The following CACNA1S variants were observed in gnomAD, a reference collection of about 807,000 sequenced individuals.
The protein encoded by CACNA1S is calcium voltage-gated channel subunit alpha1 S.
A neutral mutation model predicts 207.4 loss-of-function variants in CACNA1S; 126 were observed. The ratio of observed to expected loss-of-function variants is 0.61; its 90% CI spans 0.53 to 0.70. The LOEUF is 0.70. Ranked by LOEUF, CACNA1S falls within the 30% of genes least tolerant of loss-of-function variation. CACNA1S has a pLI of 0.00. For missense variants in CACNA1S, 2,349 were observed against 2,422.8 expected (o/e 0.97, Z 0.64); for synonymous variants, 960 against 932.7 (o/e 1.03, Z -0.53).
chr1:201,080,601 T>G (rs775546417), intron 10 of CACNA1S, among the ~76,000 whole-genome samples: 6 of 152,220 alleles, frequency 3.9e-5, no homozygotes, highest in Admixed American at 1.3e-4. Flanking sequence ...TTCCTTCTTT[T>G]ACCTCTTTCA....
chr1:201,061,515 G>A, intron 24 of CACNA1S, 47 bp from the exon 25 acceptor site: 5 of 1,567,788 alleles, frequency 3.2e-6, no homozygotes, highest in Non-Finnish European at 4.4e-6. Context: ...GGGTGACAAG[G>A]CAGAGAGTCA....
At chr1:201,048,530 A>G in intron 36 of CACNA1S, 52 bp downstream of exon 36, 2 of 1,421,442 alleles carry the variant, frequency 1.4e-6, no homozygotes. Context: ...AATCTGTGCC[A>G]GAAACAGCCT....
intron 26 of CACNA1S, 89 bp from the exon 27 acceptor site, chr1:201,059,388 G>A: frequency 2.5e-6 from 2 of 792,356 alleles, no homozygotes; most frequent in South Asian, 3.2e-5. Context: ...CCTCTTCCTG[G>A]GAAGCCCCCA....
chr1:201,053,484 A>G lies in CACNA1S; in HGVS notation c.3770T>C (p.Leu1257Pro). 6.2e-7 allele frequency: 1 copy of G among 1,614,152 alleles called. No homozygotes were observed. Residue 1257 changes from leucine (L) to proline (P), a missense_variant, in exon 30 of 44, where the codon CTG becomes CCG. Leu to Pro is a moderately conservative substitution (Grantham distance 98, BLOSUM62 -3). Coordinates refer to ENST00000362061, the MANE Select transcript of CACNA1S (RefSeq NM_000069.3). This position sits in a 1 kb window ranked among gnomAD's most constrained non-coding sequence, Gnocchi z 5.1. ...CTGGAAGGACTTGATGAACGTCCAC[A>G]GGAGGGTTCGCACTCCTTCTGCCCG... ...LSRAEGVRTL[L>P]WTFIKSFQAL...
chr1:201,085,061 C>G (rs751599642), intron 8 of CACNA1S, 30 bp from the exon 9 acceptor site: 9 of 1,553,756 alleles, frequency 5.8e-6, no homozygotes, highest in South Asian at 4.4e-5. Context: ...AGTCAGCCAG[C>G]CTTCGGGGCC....
chr1:201,060,527 A>G, intron 26 of CACNA1S, 131 bp downstream of exon 26: 1 of 940,402 alleles, frequency 1.1e-6, no homozygotes, highest in East Asian at 2.5e-5. Context: ...TATTCCATGT[A>G]GCACCTCAGC....
At chr1:201,101,342 A>G (rs559594158) in intron 2 of CACNA1S, among the ~76,000 whole-genome samples, 1 of 152,308 alleles carries the variant, frequency 6.6e-6, no homozygotes, top group South Asian at 2.1e-4. Context: ...TTTTGACAAA[A>G]AACAACCCTC....
intron 16 of CACNA1S, among the ~76,000 whole-genome samples, chr1:201,071,417 A>G (rs1202768550): frequency 6.6e-6 from 1 of 152,144 alleles, no homozygotes; most frequent in Non-Finnish European, 1.5e-5. Flanking sequence ...TTTCACGCTT[A>G]ATCGCAGAGA....
intron 40 of CACNA1S, among the ~76,000 whole-genome samples, chr1:201,042,329 G>T (rs535652990): frequency 6.6e-6 from 1 of 152,056 alleles, no homozygotes; most frequent in Admixed American, 6.6e-5. Context: ...GTAGAGACAC[G>T]GTTTCTCCAT....
intron 15 of CACNA1S, among the ~76,000 whole-genome samples, chr1:201,073,081 G>A (rs985444031): frequency 1.3e-5 from 2 of 152,202 alleles, no homozygotes; most frequent in African/African-American, 4.8e-5. Flanking sequence ...CATACCCACT[G>A]CTTGGTTCTC....
chr1:201,071,850 C>G lies in CACNA1S; in HGVS notation c.2227+905G>C, dbSNP rs369011930. ...TTGTACCAGCTCCATTCTCCCCATA[C>G]TTCACTTTGCAAAATTCTTTCATGC... On this transcript the variant is annotated intron_variant, in intron 16 of 43. Coordinates refer to ENST00000362061, the MANE Select transcript of CACNA1S (RefSeq NM_000069.3). Among the ~76,000 whole-genome samples the G allele has an allele frequency of 7.2e-5, 11 of 152,260 alleles. No homozygotes were observed. The East Asian group carries it at 1.3e-3, about 19-fold the overall frequency.
intron 10 of CACNA1S, 147 bp from the exon 11 acceptor site, chr1:201,078,251 G>C: frequency 1.4e-6 from 1 of 717,448 alleles, no homozygotes; most frequent in Non-Finnish European, 2.5e-6. Flanking sequence ...AGGGGGCAGG[G>C]CCTCACTCTG....
Position 201,066,255 on chromosome 1 carries a change from C to T in CACNA1S, c.2719G>A (p.Ala907Thr). 1 of 1,613,860 alleles carries T rather than the reference C, an allele frequency of 6.2e-7. No individual in the cohort carries two copies. Among genetic ancestry groups the T allele is most frequent in the East Asian group, 2.2e-5 (1 of 44,862 alleles). ...RVLRVLRPLR[A>T]INRAKGLKHV... The stretch of plus-strand genomic sequence containing the variant: ...TTCAACCCCTTGGCTCTGTTGATGG[C>T]TCTGAGTGGTCGGAGCACCCTCAGC... The change falls in exon 21 of 44, where the codon GCC (alanine) becomes ACC (threonine). Residue 907 changes from alanine (A) to threonine (T), a missense_variant. Coordinates refer to ENST00000362061, the MANE Select transcript of CACNA1S (RefSeq NM_000069.3). The surrounding 1 kb of genome is among the most constrained non-coding windows in gnomAD (Gnocchi z 4.3).
At chr1:201,105,942 G>A (rs147097001) in intron 2 of CACNA1S, among the ~76,000 whole-genome samples, 2 of 151,494 alleles carry the variant, frequency 1.3e-5, no homozygotes, top group South Asian at 4.2e-4. Flanking sequence ...CACCCAGCCA[G>A]TTTGGCATGT....
intron 38 of CACNA1S, among the ~76,000 whole-genome samples, chr1:201,046,027 C>T (rs916083519): frequency 6.6e-6 from 1 of 152,022 alleles, no homozygotes; most frequent in East Asian, 1.9e-4. Context: ...TTGAGCACAG[C>T]TCAAATGCAT....
In CACNA1S at chr1:201,083,309, G is replaced by A. The variant is rs1303215579; in HGVS notation, c.1246C>T (p.Gln416Ter). 4.3e-6 allele frequency: 7 copies of A among 1,614,060 alleles called. No homozygotes were observed. The highest frequency in any genetic ancestry group is 5.9e-6 in the Non-Finnish European group (7 of 1,180,018). ...KIIQFIRHWR[Q>*]WNRIFRWKCH... ...TTCCAGCGAAAGATGCGGTTCCACT[G>A]CCTCCAATGTCGGCTGAGGGAGGGG... Residue 416 changes from glutamine (Q) to a stop codon, truncating the protein, a stop_gained, in exon 10 of 44, where the codon CAG (glutamine) becomes TAG (stop). Coordinates refer to ENST00000362061, the MANE Select transcript of CACNA1S (RefSeq NM_000069.3). LOFTEE classifies it high-confidence loss of function.
At chr1:201,067,982 T>C (rs1401055003) in intron 19 of CACNA1S, among the ~76,000 whole-genome samples, 2 of 152,122 alleles carry the variant, frequency 1.3e-5, no homozygotes, top group Non-Finnish European at 2.9e-5. Context: ...CAGTTATAGA[T>C]GGGTTCTCCT....
intron 29 of CACNA1S, among the ~76,000 whole-genome samples, chr1:201,054,275 C>A (rs566634995): frequency 6.6e-6 from 1 of 152,152 alleles, no homozygotes; most frequent in South Asian, 2.1e-4. Context: ...AGAGAGAACC[C>A]GCACTCCATC....
At chr1:201,069,052 C>T in intron 19 of CACNA1S, 85 bp downstream of exon 19, 3 of 1,228,914 alleles carry the variant, frequency 2.4e-6, no homozygotes, top group East Asian at 4.7e-5. Flanking sequence ...TTCTGCTTCT[C>T]TCCAGCCCCT....
Sources: allele counts gnomAD v4.1 joint callset (sites outside exome capture counted in the v4.1 genomes callset), GRCh38; gene constraint gnomAD v4.1.1; non-coding constraint Gnocchi (gnomAD v3.1); transcripts MANE v1.5; gene names NCBI Gene and HGNC (gene_info 2026-07-23, HGNC 2026-07-21).